The following KAZN variants were observed in gnomAD, a reference collection of about 807,000 sequenced individuals.
The protein encoded by KAZN is kazrin.
KAZN carries 40 observed loss-of-function variants against 87.4 expected under a neutral mutation model. That is an observed-to-expected ratio of 0.46 (90% confidence interval 0.36 to 0.60). The LOEUF (loss-of-function observed/expected upper bound fraction) is 0.60. KAZN is among the 20% of genes least tolerant of loss of function. The probability of loss-of-function intolerance (pLI) is 0.00; values close to 1 mark genes in which losing one functional copy is unlikely to be tolerated. For synonymous variants in KAZN, 466 were observed against 458.3 expected (o/e 1.02, Z -0.22); for missense variants, 898 against 1,073.9 (o/e 0.84, Z 2.29).
intron 2 of KAZN, among the ~76,000 whole-genome samples, chr1:14,544,440 G>A (rs1430269712): frequency 6.8e-6 from 1 of 147,074 alleles, no homozygotes; most frequent in African/African-American, 2.5e-5. Context: ...TAAGAATATG[G>A]GAGGGGAGGA....
At chr1:14,087,821 T>G (rs1199755027) in intron 1 of KAZN, among the ~76,000 whole-genome samples, 1 of 152,026 alleles carries the variant, frequency 6.6e-6, no homozygotes, top group Non-Finnish European at 1.5e-5. Flanking sequence ...ATGGTATATT[T>G]TTTAGAATAA....
intron 1 of KAZN, among the ~76,000 whole-genome samples, chr1:14,146,772 A>G (rs1016015668): frequency 6.0e-5 from 9 of 150,532 alleles, no homozygotes; most frequent in Non-Finnish European, 1.2e-4. Flanking sequence ...TTTTCTGGTA[A>G]CCTTTCATTT....
chr1:14,152,134 G>A (rs1645488819), intron 1 of KAZN, among the ~76,000 whole-genome samples: 1 of 152,050 alleles, frequency 6.6e-6, no homozygotes, highest in Non-Finnish European at 1.5e-5. Context: ...TGGGTAAATG[G>A]GGCATCCATC....
At chr1:14,542,410 G>A (rs1466435398) in intron 2 of KAZN, among the ~76,000 whole-genome samples, 1 of 151,592 alleles carries the variant, frequency 6.6e-6, no homozygotes, top group African/African-American at 2.4e-5. Context: ...AAACCTGCAC[G>A]TTGAGCACAT....
intron 2 of KAZN, among the ~76,000 whole-genome samples, chr1:14,997,088 G>A (rs999722808): frequency 2.0e-5 from 3 of 152,006 alleles, no homozygotes; most frequent in African/African-American, 4.8e-5. Flanking sequence ...TCACCTGCTC[G>A]GAGAGGTCCT....
chr1:14,054,132 A>T (rs887107610), intron 1 of KAZN, among the ~76,000 whole-genome samples: 2 of 151,854 alleles, frequency 1.3e-5, no homozygotes, highest in Non-Finnish European at 2.9e-5. Flanking sequence ...TTGAAAAAAA[A>T]CTCCAAGAAA....
intron 1 of KAZN, among the ~76,000 whole-genome samples, chr1:13,980,432 T>C (rs985996038): frequency 6.6e-6 from 1 of 151,892 alleles, no homozygotes; most frequent in African/African-American, 2.4e-5. Flanking sequence ...AGTAAAATGG[T>C]AGAAAAAGAT....
At chr1:14,792,096 T>C (rs1447417592) in intron 1 of KAZN, among the ~76,000 whole-genome samples, 1 of 152,212 alleles carries the variant, frequency 6.6e-6, no homozygotes, top group Non-Finnish European at 1.5e-5. Context: ...TGATGTCAGA[T>C]GGAAGACTTG....
intron 1 of KAZN, among the ~76,000 whole-genome samples, chr1:14,110,331 G>A (rs1230177780): frequency 2.6e-5 from 4 of 152,192 alleles, no homozygotes; most frequent in Admixed American, 2.6e-4. Flanking sequence ...CATTACATAA[G>A]ATATATTAAT....
intron 1 of KAZN, among the ~76,000 whole-genome samples, chr1:13,912,992 CT>C (rs1639708863): frequency 2.0e-5 from 3 of 152,178 alleles, no homozygotes; most frequent in African/African-American, 7.2e-5. Context: ...GAGCTGCATC[CT>C]GCATGGCCCC....
At chr1:14,154,803 T>G (rs961587881) in intron 1 of KAZN, among the ~76,000 whole-genome samples, 3 of 152,218 alleles carry the variant, frequency 2.0e-5, no homozygotes, top group Non-Finnish European at 4.4e-5. Context: ...TATTGATTAA[T>G]TTGCATTTGT....
intron 2 of KAZN, among the ~76,000 whole-genome samples, chr1:14,375,615 G>A (rs773555124): frequency 3.9e-4 from 59 of 152,094 alleles, no homozygotes; most frequent in Non-Finnish European, 6.3e-4. Flanking sequence ...GGCTGGGCAC[G>A]GTGGCTCACA....
At chr1:14,650,860 C>T (rs866219630) in intron 1 of KAZN, among the ~76,000 whole-genome samples, 18 of 152,150 alleles carry the variant, frequency 1.2e-4, no homozygotes, top group Middle Eastern at 3.2e-3. Context: ...TGATGGGGTC[C>T]ATGGCTCCCC....
At chr1:14,169,072 C>T (rs1645894267) in intron 1 of KAZN, among the ~76,000 whole-genome samples, 2 of 152,164 alleles carry the variant, frequency 1.3e-5, no homozygotes, top group African/African-American at 4.8e-5. Flanking sequence ...AGTAGAAAGA[C>T]ATCAGCTGTG....
rs35005409 is a variant in KAZN, at chr1:13,952,334, G to GATAATAATAATA, written c.91+58612_91+58623dup. ...CTTGGAGTCTTAGGTATAAAATGGA[G>GATAATAATAATA]ATAATAATAATAATAATAATAATAA... On this transcript the variant is annotated intron_variant, in intron 1 of 16. Transcript: ENST00000636203. Among the ~76,000 whole-genome samples, 8 of 143,078 alleles carry GATAATAATAATA rather than the reference G, an allele frequency of 5.6e-5. No individual in the cohort carries two copies. In the South Asian group the frequency reaches 7.1e-4, roughly 13 times the overall value. 93.9% of individuals were successfully genotyped at this position (143,078 alleles called of 152,430 possible). A position where few individuals can be genotyped will look rare whatever the true frequency, so the allele number is the denominator to read the frequency against.
chr1:14,719,668 G>T (rs892917043), intron 1 of KAZN, among the ~76,000 whole-genome samples: 1 of 152,146 alleles, frequency 6.6e-6, no homozygotes, highest in Admixed American at 6.5e-5. Flanking sequence ...GTGAAACTTT[G>T]TCTCTACTAA....
intron 2 of KAZN, among the ~76,000 whole-genome samples, chr1:14,487,832 T>C (rs907499470): frequency 1.3e-5 from 2 of 152,078 alleles, no homozygotes; most frequent in African/African-American, 4.8e-5. Flanking sequence ...CAGAAGGTCA[T>C]TTGTGGCTTG....
intron 2 of KAZN, among the ~76,000 whole-genome samples, chr1:14,252,279 T>G (rs947431199): frequency 6.6e-6 from 1 of 152,202 alleles, no homozygotes; most frequent in African/African-American, 2.4e-5. Context: ...TCCTTGCTAG[T>G]CATAAGCTGA....
At chr1:14,017,185 G>A (rs370540998) in intron 1 of KAZN, among the ~76,000 whole-genome samples, 17 of 152,168 alleles carry the variant, frequency 1.1e-4, no homozygotes, top group Admixed American at 3.3e-4. Context: ...CTGCCAATTC[G>A]AGGTAGAGGC....
Sources: allele counts gnomAD v4.1 joint callset (sites outside exome capture counted in the v4.1 genomes callset), GRCh38; gene constraint gnomAD v4.1.1; transcripts MANE v1.5; gene names NCBI Gene and HGNC (gene_info 2026-07-23, HGNC 2026-07-21).